ZNF451: variants seen among roughly 807,000 people sequenced by gnomAD.
ZNF451 encodes the protein E3 SUMO-protein ligase ZNF451.
A neutral mutation model predicts 107.1 loss-of-function variants in ZNF451; 80 were observed. The observed-to-expected ratio is 0.75, with a 90% confidence interval of 0.62 to 0.90. ZNF451 has a LOEUF of 0.90. Among genes scored for constraint, ZNF451 ranks in the 40% least tolerant of loss-of-function variants. ZNF451 has a pLI of 0.00. For missense variants in ZNF451, 1,107 were observed against 1,236.2 expected (o/e 0.90, Z 1.57); for synonymous variants, 362 against 406.5 (o/e 0.89, Z 1.32).
intron 4 of ZNF451, among the ~76,000 whole-genome samples, chr6:57,126,759 A>G (rs1239061246): frequency 6.6e-6 from 1 of 152,174 alleles, no homozygotes; most frequent in African/African-American, 2.4e-5. Flanking sequence ...CGTCTGTACT[A>G]AAAAGTTTTT....
At chr6:57,093,630 C>A (rs879006583) in intron 2 of ZNF451, among the ~76,000 whole-genome samples, 1 of 152,118 alleles carries the variant, frequency 6.6e-6, no homozygotes, top group Admixed American at 6.5e-5. Flanking sequence ...ACAGAAAGTA[C>A]ATAGTGCTGT....
intron 3 of ZNF451, chr6:57,102,364 G>A (rs1415589572): frequency 8.9e-7 from 1 of 1,119,134 alleles, no homozygotes; most frequent in Non-Finnish European, 1.1e-6. Context: ...AAAAATAAGT[G>A]TGGAGGAGGA....
intron 2 of ZNF451, among the ~76,000 whole-genome samples, chr6:57,095,813 T>TG (rs201524006): frequency 0.078 from 11,783 of 151,434 alleles, 514 homozygotes; most frequent in East Asian, 0.093. Context: ...AGCTTTTTTT[T>TG]TTTGTTGTTG....
chr6:57,145,502 A>G (rs991941945), intron 9 of ZNF451, among the ~76,000 whole-genome samples: 1 of 152,072 alleles, frequency 6.6e-6, no homozygotes, highest in Non-Finnish European at 1.5e-5. Context: ...ATTCCACTCT[A>G]TATGTCCACG....
chr6:57,105,267 A>G lies in ZNF451; in HGVS notation c.186+6126A>G, dbSNP rs1022369222. On this transcript the variant is annotated intron_variant, in intron 3 of 14. Transcript: ENST00000370706. ...TGGTATTCTCAAAAAGGATGTATCT[A>G]ATGATCTTGATTCTTCAAAATGTTA... 4 of 985,120 alleles carry G rather than the reference A, an allele frequency of 4.1e-6. No individual in the cohort carries two copies. The African/African-American group carries it at 7.0e-5, about 17-fold the overall frequency. The allele number at this position is 985,120 out of a possible 1,614,324, so 61.0% of individuals were successfully genotyped here.
Position 57,149,450 on chromosome 6 carries a change from G to T in ZNF451, c.2608+757G>T, listed in dbSNP as rs554792614. Reference sequence around the variant, plus strand: ...TTTTGAGATGGGATTTTACTATGTTGCCCAGGCTGGTTTTGAACTCCTGGC... The same window carrying T: ...TTTTGAGATGGGATTTTACTATGTTTCCCAGGCTGGTTTTGAACTCCTGGC... On this transcript the variant is annotated intron_variant, in intron 10 of 14. Coordinates refer to ENST00000370706, the MANE Select transcript of ZNF451 (RefSeq NM_001031623.3). Among the ~76,000 whole-genome samples the T allele has an allele frequency of 1.3e-4, 20 of 152,050 alleles. 1 individual carries two copies. Among genetic ancestry groups the T allele is most frequent in the African/African-American group, 4.8e-4 (20 of 41,468 alleles).
At chr6:57,092,921 G>T (rs959402482) in intron 2 of ZNF451, 36 of 152,078 alleles carry the variant, frequency 2.4e-4, no homozygotes, top group Admixed American at 2.6e-4. Context: ...AAATTTTATT[G>T]AAATATACAT....
intron 3 of ZNF451, chr6:57,107,324 T>G (rs1360680224): frequency 1.0e-6 from 1 of 984,548 alleles, no homozygotes; most frequent in Non-Finnish European, 1.2e-6. Context: ...TTGATGTGGC[T>G]TTGTATTTGT....
chr6:57,124,815 G>A lies in ZNF451; in HGVS notation c.268G>A (p.Glu90Lys). 2 of 1,611,656 alleles carry A rather than the reference G, an allele frequency of 1.2e-6. No individual in the cohort carries two copies. Among genetic ancestry groups the A allele is most frequent in the Non-Finnish European group, 1.7e-6 (2 of 1,178,376 alleles). The change falls in exon 4 of 15, where the codon GAA becomes AAA. Residue 90 changes from glutamate to lysine, a missense_variant. This residue lies in a region of ZNF451 where 339 missense variants were observed against 372.8 expected (regional missense o/e 0.91). Coordinates refer to ENST00000370706, the MANE Select transcript of ZNF451 (RefSeq NM_001031623.3). ...LTLARLARHV[E>K]VEKQQKEEKN... ...TCTGGCTCGTCTAGCCCGCCATGTT[G>A]AAGTGGAGAAACAGCAGAAAGAAGA...
intron 7 of ZNF451, among the ~76,000 whole-genome samples, chr6:57,139,243 A>G (rs894385211): frequency 2.6e-5 from 4 of 152,130 alleles, no homozygotes; most frequent in African/African-American, 9.7e-5. Context: ...TATAATTCAT[A>G]ACCAAGATTG....
intron 3 of ZNF451, chr6:57,103,095 C>T (rs1047419892): frequency 1.9e-5 from 19 of 985,210 alleles, no homozygotes; most frequent in Non-Finnish European, 2.3e-5. Context: ...CATCAGTGCC[C>T]TGGAAATAAA....
chr6:57,124,914 G>A (rs1374793186), intron 4 of ZNF451, 55 bp downstream of exon 4: 14 of 1,234,778 alleles, frequency 1.1e-5, no homozygotes, highest in Non-Finnish European at 1.4e-5. Flanking sequence ...TTATAATAAA[G>A]TTGGTAAAAA....
intron 3 of ZNF451, chr6:57,108,659 T>C: frequency 1.0e-6 from 1 of 985,450 alleles, no homozygotes; most frequent in Non-Finnish European, 1.2e-6. Context: ...GATCTTTCTT[T>C]AATGGCTTGG....
intron 2 of ZNF451, among the ~76,000 whole-genome samples, chr6:57,096,447 A>G (rs905911112): frequency 1.3e-5 from 2 of 151,592 alleles, no homozygotes; most frequent in Non-Finnish European, 2.9e-5. Context: ...TGGTCTCCCA[A>G]AGTGCTGGGA....
At position 57,169,166 on chromosome 6, in the gene ZNF451, A is replaced by G. The variant is rs1327491806; in HGVS notation, c.*697A>G. On this transcript the variant is annotated 3_prime_UTR_variant, in exon 15 of 15. Transcript: ENST00000370706. Reference sequence around the variant, plus strand: ...CTGCTTAGACTTTTATGTGACTTGTATGGTCTCCTGGTTAAAGGGAATGGT... The same window carrying G: ...CTGCTTAGACTTTTATGTGACTTGTGTGGTCTCCTGGTTAAAGGGAATGGT... The G allele has an allele frequency of 1.3e-5, 2 of 152,118 alleles. No homozygotes were observed. Among genetic ancestry groups the G allele is most frequent in the South Asian group, 2.1e-4 (1 of 4,828 alleles). The allele number at this position is 152,118 out of a possible 1,614,324, so 9.4% of individuals were successfully genotyped here. A position where few individuals can be genotyped will look rare whatever the true frequency, so the allele number is the denominator to read the frequency against.
intron 3 of ZNF451, among the ~76,000 whole-genome samples, chr6:57,120,894 G>A (rs2127956636): frequency 6.6e-6 from 1 of 152,162 alleles, no homozygotes; most frequent in East Asian, 1.9e-4. Flanking sequence ...TTAATGAAGT[G>A]CAGCTTATAA....
chr6:57,104,101 T>C, intron 3 of ZNF451: 1 of 984,694 alleles, frequency 1.0e-6, no homozygotes. Flanking sequence ...TTTTTCTGTA[T>C]TTTACTCAAA....
At position 57,142,070 on chromosome 6, in the gene ZNF451, C is replaced by T; in HGVS notation, c.979C>T (p.His327Tyr). ...GGCCTGCCACAAGACACTGCGTTCC[C>T]ACATGGAGCTCACTGCCCATTTCAG... ...CVACHKTLRS[H>Y]MELTAHFRVH... is the part of the protein sequence containing the mutation. The change falls in exon 9 of 15, where the codon CAC (histidine) becomes TAC (tyrosine). Residue 327 changes from histidine (H) to tyrosine (Y), a missense_variant. By Grantham distance (83) the His-to-Tyr change is moderately conservative (BLOSUM62 2). Transcript: ENST00000370706. 6.2e-7 allele frequency: 1 copy of T among 1,613,090 alleles called. No individual in the cohort carries two copies. The highest frequency in any genetic ancestry group is 8.5e-7 in the Non-Finnish European group (1 of 1,179,188).
At chr6:57,099,733 G>T (rs966896800) in intron 3 of ZNF451, 1 of 479,622 alleles carries the variant, frequency 2.1e-6, no homozygotes, top group Non-Finnish European at 3.7e-6. Flanking sequence ...TGAACTAGTT[G>T]AGCCCTTTGT....
Sources: allele counts gnomAD v4.1 joint callset (sites outside exome capture counted in the v4.1 genomes callset), GRCh38; gene constraint gnomAD v4.1.1; regional missense constraint gnomAD v4.1.1; transcripts MANE v1.5; gene names NCBI Gene and HGNC (gene_info 2026-07-23, HGNC 2026-07-21).